Variants in POPDC2 observed in about 807,000 individuals in gnomAD.
POPDC2 encodes the protein popeye domain cAMP effector 2, also known as popeye domain-containing protein 2.
Under a neutral mutation model 30.5 loss-of-function variants are expected in POPDC2, and 24 were observed. The ratio of observed to expected loss-of-function variants is 0.79; its 90% CI spans 0.57 to 1.11. The LOEUF is 1.11. POPDC2 is among the 50% of genes least tolerant of loss of function. POPDC2 has a pLI of 0.00. For missense variants in POPDC2, 409 were observed against 447.0 expected, an observed-to-expected ratio of 0.91 and a Z score of 0.77; for synonymous variants, 185 against 183.3, an observed-to-expected ratio of 1.01 and a Z score of -0.07.
At chr3:119,648,788 A>G (rs1208814081) in intron 2 of POPDC2, 120 bp from the exon 3 acceptor site, 2 of 873,808 alleles carry the variant, frequency 2.3e-6, no homozygotes, top group Non-Finnish European at 3.5e-6. Flanking sequence ...GCTGTGTGGG[A>G]GTACCCCTCT....
intron 3 of POPDC2, chr3:119,643,363 G>A (rs1221013032): frequency 3.9e-6 from 6 of 1,532,216 alleles, no homozygotes; most frequent in Non-Finnish European, 5.2e-6. Flanking sequence ...ACTTTTTGCT[G>A]TACCTTTTGT....
intron 1 of POPDC2, among the ~76,000 whole-genome samples, chr3:119,654,972 T>C (rs980621939): frequency 1.3e-5 from 2 of 152,184 alleles, no homozygotes; most frequent in African/African-American, 4.8e-5. Context: ...CTGGATATTA[T>C]TAGTATTTAC....
chr3:119,654,947 C>G (rs1404414741), intron 1 of POPDC2, among the ~76,000 whole-genome samples: 2 of 152,226 alleles, frequency 1.3e-5, no homozygotes, highest in Admixed American at 6.5e-5. Context: ...AAACAAGAAT[C>G]TCTCTAGGTA....
chr3:119,648,693 T>G (rs905946656), intron 2 of POPDC2, 25 bp from the exon 3 acceptor site: 2 of 1,575,826 alleles, frequency 1.3e-6, no homozygotes, highest in Admixed American at 3.6e-5. Context: ...AAGCAGACAA[T>G]AAAAGTTTAA....
chr3:119,655,453 G>T (rs1333355811), intron 1 of POPDC2, among the ~76,000 whole-genome samples: 2 of 152,210 alleles, frequency 1.3e-5, no homozygotes, highest in Non-Finnish European at 2.9e-5. Flanking sequence ...CATATGGCCT[G>T]TGACTACCAT....
intron 3 of POPDC2, among the ~76,000 whole-genome samples, chr3:119,646,491 T>C (rs2052747881): frequency 6.6e-6 from 1 of 151,934 alleles, no homozygotes; most frequent in Non-Finnish European, 1.5e-5. Flanking sequence ...AATTAAACAT[T>C]ATCCAGGCAC....
Position 119,657,473 on chromosome 3 carries a change from G to A in POPDC2, c.491+2460C>T, listed in dbSNP as rs1339210271. 2.0e-5 allele frequency among the ~76,000 whole-genome samples: 3 copies of A among 152,300 alleles called. No homozygotes were observed. In the South Asian group the frequency reaches 6.2e-4, roughly 32 times the overall value. On this transcript the variant is annotated intron_variant, in intron 1 of 3. Transcript: ENST00000493094. ...TCAAGACTCTGAATAAATATGTATG[G>A]AAGGGGGAAAAGAAGGAAAGAAGGA...
intron 3 of POPDC2, among the ~76,000 whole-genome samples, chr3:119,646,542 G>C (rs2052748215): frequency 6.6e-6 from 1 of 152,162 alleles, no homozygotes; most frequent in Non-Finnish European, 1.5e-5. Flanking sequence ...GGGAGGCTGG[G>C]ATGGGAGGAT....
In POPDC2 at chr3:119,654,508, G is replaced by C; in HGVS notation, c.597C>G (p.Phe199Leu). Residue 199 changes from phenylalanine to leucine, a missense_variant, in exon 2 of 4, where the codon TTC (phenylalanine) becomes TTG (leucine). Transcript: ENST00000493094. ...ESLQPSEEGV[F>L]QVTLTAETSC... ...CTGCCACCAGGCTCCCTGTTACCTG[G>C]AACACCCCCTCCTCAGAAGGCTGTA... The C allele has an allele frequency of 6.2e-7, 1 of 1,608,786 alleles. No individual in the cohort carries two copies. Among genetic ancestry groups the C allele is most frequent in the Non-Finnish European group, 8.5e-7 (1 of 1,175,750 alleles).
intron 1 of POPDC2, among the ~76,000 whole-genome samples, chr3:119,657,661 G>C (rs939357352): frequency 1.3e-5 from 2 of 152,230 alleles, no homozygotes; most frequent in Non-Finnish European, 2.9e-5. Flanking sequence ...CCTTAGGCGA[G>C]GATTTCGGCC....
rs778472184 is a variant in POPDC2 at position 119,648,246 on chromosome 3, G to C, written c.1023C>G (p.Thr341=). 6.2e-7 allele frequency: 1 copy of C among 1,611,934 alleles called. No homozygotes were observed. Among genetic ancestry groups the C allele is most frequent in the Non-Finnish European group, 8.5e-7 (1 of 1,179,046 alleles). ...PDSGILGEDS[T]SLVLEDFEEV... is the part of the protein sequence containing the mutation. Reference sequence around the variant, plus strand: ...CCTCAAAATCCTCCAGCACCAGACTGGTGGAGTCCTCACCCAGTATGCCAC... The same window carrying C: ...CCTCAAAATCCTCCAGCACCAGACTCGTGGAGTCCTCACCCAGTATGCCAC... Residue 341 remains threonine, a synonymous_variant, in exon 3 of 4, where the codon ACC becomes ACG. Transcript: ENST00000493094.
intron 1 of POPDC2, 107 bp downstream of exon 1, chr3:119,659,826 G>C: frequency 7.3e-7 from 1 of 1,362,062 alleles, no homozygotes; most frequent in Non-Finnish European, 9.9e-7. Context: ...TCCCTCAATG[G>C]AAGGGGACAC....
chr3:119,658,729 C>T (rs2052906595), intron 1 of POPDC2, among the ~76,000 whole-genome samples: 1 of 152,164 alleles, frequency 6.6e-6, no homozygotes, highest in Admixed American at 6.5e-5. Flanking sequence ...AAATGTCTCC[C>T]CTCCTAGCTC....
At chr3:119,652,975 T>C (rs1480960101) in intron 2 of POPDC2, among the ~76,000 whole-genome samples, 1 of 152,172 alleles carries the variant, frequency 6.6e-6, no homozygotes, top group Non-Finnish European at 1.5e-5. Flanking sequence ...GAATCCAGTG[T>C]TTCCAGGTCC....
At chr3:119,659,836 C>A in intron 1 of POPDC2, 97 bp downstream of exon 1, 1 of 1,413,348 alleles carries the variant, frequency 7.1e-7, no homozygotes, top group Non-Finnish European at 9.5e-7. Flanking sequence ...GAAGGGGACA[C>A]GAAATGGAAA....
chr3:119,651,765 A>G (rs2052813276), intron 2 of POPDC2, among the ~76,000 whole-genome samples: 3 of 151,884 alleles, frequency 2.0e-5, no homozygotes, highest in Admixed American at 2.0e-4. Context: ...CCTCCCGAGT[A>G]GCTGGGATTA....
At chr3:119,648,783 G>A (rs1019224102) in intron 2 of POPDC2, 115 bp from the exon 3 acceptor site, 22 of 912,218 alleles carry the variant, frequency 2.4e-5, no homozygotes, top group Non-Finnish European at 3.6e-5. Context: ...AAGAAGCTGT[G>A]TGGGAGTACC....
chr3:119,659,152 T>G (rs567914316), intron 1 of POPDC2, among the ~76,000 whole-genome samples: 18 of 152,230 alleles, frequency 1.2e-4, no homozygotes, highest in Non-Finnish European at 2.4e-4. Flanking sequence ...GGGCATACAC[T>G]GATCCTGACT....
At chr3:119,642,726 A>C (rs140466004) in intron 3 of POPDC2, among the ~76,000 whole-genome samples, 165 bp from the exon 4 acceptor site, 33 of 152,300 alleles carry the variant, frequency 2.2e-4, no homozygotes, top group African/African-American at 7.9e-4. Flanking sequence ...GAATCATTTC[A>C]TACTAGAATA....
Sources: gnomAD v4.1 joint callset for allele counts (sites outside exome capture counted in the v4.1 genomes callset) on GRCh38, gnomAD v4.1.1 for gene constraint, MANE v1.5 for transcripts, NCBI Gene and HGNC (gene_info 2026-07-23, HGNC 2026-07-21) for gene names.